The following ZFPM2 variants were observed in gnomAD, a reference collection of about 807,000 sequenced individuals.
ZFPM2 encodes zinc finger protein ZFPM2.
In ZFPM2, 20 loss-of-function variants were observed where a neutral mutation model predicts 98.6. That is an observed-to-expected ratio of 0.20 (90% CI 0.14 to 0.29). The LOEUF (loss-of-function observed/expected upper bound fraction) is 0.29, where lower values mean the gene tolerates loss of function less well. Ranked by LOEUF, ZFPM2 falls within the 10% of genes least tolerant of loss-of-function variation. The pLI is 1.00. For synonymous variants in ZFPM2, 518 were observed against 502.7 expected, an observed-to-expected ratio of 1.03 and a Z score of -0.41; for missense variants, 1,310 against 1,388.6, an observed-to-expected ratio of 0.94 and a Z score of 0.90.
chr8:105,715,644 A>G (rs2130986080), intron 5 of ZFPM2, among the ~76,000 whole-genome samples: 1 of 152,170 alleles, frequency 6.6e-6, no homozygotes, highest in African/African-American at 2.4e-5. Context: ...TAATATTAAA[A>G]ATAAGGGTCA....
chr8:105,381,340 GT>G (rs945799879), intron 1 of ZFPM2, among the ~76,000 whole-genome samples: 1 of 151,778 alleles, frequency 6.6e-6, no homozygotes, highest in Non-Finnish European at 1.5e-5. Flanking sequence ...TCTTTTTCCA[GT>G]TTTTTTGATC....
At chr8:105,654,540 C>T (rs1817245732) in intron 5 of ZFPM2, among the ~76,000 whole-genome samples, 1 of 151,582 alleles carries the variant, frequency 6.6e-6, no homozygotes, top group Admixed American at 6.6e-5. Context: ...GATAGTCCTG[C>T]AGCATGTGAA....
chr8:105,426,222 A>G (rs183226410), intron 2 of ZFPM2, among the ~76,000 whole-genome samples: 9 of 152,288 alleles, frequency 5.9e-5, no homozygotes, highest in Admixed American at 3.9e-4. Context: ...ATTCTTGCAT[A>G]TAACATTGAC....
At chr8:105,496,982 CAAAAAAAAAAA>C (rs1207276670) in intron 3 of ZFPM2, among the ~76,000 whole-genome samples, 580 of 31,504 alleles carry the variant, frequency 0.018, 8 homozygotes, top group African/African-American at 0.052. Context: ...AACTCCGTCT[CAAAAAAAAAAA>C]AAAAAAAAAA....
At chr8:105,495,043 T>C (rs1813433388) in intron 3 of ZFPM2, among the ~76,000 whole-genome samples, 1 of 152,208 alleles carries the variant, frequency 6.6e-6, no homozygotes, top group Non-Finnish European at 1.5e-5. Flanking sequence ...TACTCTTAGC[T>C]GATAGCTATA....
intron 2 of ZFPM2, among the ~76,000 whole-genome samples, chr8:105,431,983 G>T (rs1812029890): frequency 6.6e-6 from 1 of 151,638 alleles, no homozygotes; most frequent in African/African-American, 2.4e-5. Context: ...CATTAACTAG[G>T]CAAAAAAAGG....
In ZFPM2 at chr8:105,804,435, G is replaced by A. The variant is rs1814142585; in HGVS notation, c.*897G>A. ...ATATAAGAGTAGCAATACTGCACCTGGTGATCACAAAGATAATGTTCTACT... is the reference window on the plus strand; with the variant it reads ...ATATAAGAGTAGCAATACTGCACCTAGTGATCACAAAGATAATGTTCTACT... On this transcript the variant is annotated 3_prime_UTR_variant, in exon 8 of 8. Coordinates refer to ENST00000407775, the MANE Select transcript of ZFPM2 (RefSeq NM_012082.4). The A allele has an allele frequency of 6.6e-6, 1 of 152,496 alleles. No individual in the cohort carries two copies. The highest frequency in any genetic ancestry group is 1.5e-5 in the Non-Finnish European group (1 of 68,000). 9.4% of individuals were successfully genotyped at this position (152,496 alleles called of 1,614,324 possible). A position where few individuals can be genotyped will look rare whatever the true frequency, so the allele number is the denominator to read the frequency against.
intron 1 of ZFPM2, among the ~76,000 whole-genome samples, chr8:105,371,975 A>T (rs1810629650): frequency 6.6e-6 from 1 of 151,230 alleles, no homozygotes; most frequent in African/African-American, 2.4e-5. Flanking sequence ...TTACATTTCA[A>T]ATGGTTCACA....
chr8:105,604,725 A>T (rs1302928049), intron 4 of ZFPM2, among the ~76,000 whole-genome samples: 1 of 152,104 alleles, frequency 6.6e-6, no homozygotes, highest in Admixed American at 6.6e-5. Context: ...ATTCAGGAAC[A>T]TGCTCAGATG....
chr8:105,380,017 G>A (rs1295036596), intron 1 of ZFPM2, among the ~76,000 whole-genome samples: 7 of 152,100 alleles, frequency 4.6e-5, no homozygotes, highest in Non-Finnish European at 8.8e-5. Flanking sequence ...ATGACAAAAT[G>A]CTCCGTTATA....
At chr8:105,718,107 T>C (rs1193864354) in intron 5 of ZFPM2, among the ~76,000 whole-genome samples, 1 of 151,950 alleles carries the variant, frequency 6.6e-6, no homozygotes, top group Non-Finnish European at 1.5e-5. Flanking sequence ...GTCTAAAATG[T>C]GAGGTCATGT....
At chr8:105,406,764 G>A (rs550453797) in intron 1 of ZFPM2, among the ~76,000 whole-genome samples, 9 of 151,888 alleles carry the variant, frequency 5.9e-5, no homozygotes, top group Admixed American at 1.3e-4. Context: ...TCAAACTTTC[G>A]GCATGAATAT....
intron 1 of ZFPM2, among the ~76,000 whole-genome samples, chr8:105,357,130 A>G (rs1364662691): frequency 1.3e-5 from 2 of 152,154 alleles, no homozygotes; most frequent in East Asian, 3.9e-4. Flanking sequence ...CTCCCAGCAC[A>G]CACACGTGAG....
chr8:105,547,568 A>T (rs550767316), intron 3 of ZFPM2, among the ~76,000 whole-genome samples: 26 of 144,174 alleles, frequency 1.8e-4, no homozygotes, highest in African/African-American at 5.9e-4. Context: ...AAAAAAAAAA[A>T]AGAAATCAGA....
chr8:105,488,660 A>C (rs1813286191), intron 3 of ZFPM2, among the ~76,000 whole-genome samples: 1 of 152,126 alleles, frequency 6.6e-6, no homozygotes, highest in Non-Finnish European at 1.5e-5. Flanking sequence ...GCTACTCAGG[A>C]GGCTGAGGCA....
chr8:105,373,759 T>C (rs1441497899), intron 1 of ZFPM2, among the ~76,000 whole-genome samples: 4 of 152,176 alleles, frequency 2.6e-5, no homozygotes, highest in African/African-American at 9.7e-5. Context: ...CTATGTTTTT[T>C]TAGTACATTA....
At chr8:105,609,996 C>T (rs929200938) in intron 4 of ZFPM2, among the ~76,000 whole-genome samples, 8 of 152,154 alleles carry the variant, frequency 5.3e-5, no homozygotes, top group Admixed American at 2.0e-4. Context: ...TACCACCCAT[C>T]GCAGCCCTCT....
chr8:105,798,871 G>C lies in ZFPM2; in HGVS notation c.887G>C (p.Ser296Thr). Reference sequence around the variant, plus strand: ...GAAGACAGTGCCCATCAGATTTCCAGCCTGTGCCCCTTCCCACAGTGCACC... The same window carrying C: ...GAAGACAGTGCCCATCAGATTTCCACCCTGTGCCCCTTCCCACAGTGCACC... Reference protein sequence around the residue: ...ENEDSAHQISSLCPFPQCTKS... With the variant: ...ENEDSAHQISTLCPFPQCTKS... Residue 296 changes from serine (S) to threonine (T), a missense_variant, in exon 7 of 8, where the codon AGC becomes ACC. Physicochemically the swap from Ser to Thr is moderately conservative, Grantham distance 58. Coordinates refer to ENST00000407775, the MANE Select transcript of ZFPM2 (RefSeq NM_012082.4). 1 of 1,613,946 alleles carries C rather than the reference G, an allele frequency of 6.2e-7. No homozygotes were observed. The highest frequency in any genetic ancestry group is 8.5e-7 in the Non-Finnish European group (1 of 1,179,860).
At chr8:105,424,798 A>G (rs1179716600) in intron 2 of ZFPM2, among the ~76,000 whole-genome samples, 1 of 152,210 alleles carries the variant, frequency 6.6e-6, no homozygotes. Flanking sequence ...CCTTCTTCTC[A>G]GAACTGGGAT....
Sources: gnomAD v4.1 joint callset for allele counts (sites outside exome capture counted in the v4.1 genomes callset) on GRCh38, gnomAD v4.1.1 for gene constraint, MANE v1.5 for transcripts, NCBI Gene and HGNC (gene_info 2026-07-23, HGNC 2026-07-21) for gene names.